TMEM131L: variants seen among roughly 807,000 people sequenced by gnomAD.
The protein encoded by TMEM131L is transmembrane protein 131-like.
Under a neutral mutation model 192.2 loss-of-function variants are expected in TMEM131L, and 54 were observed. The ratio of observed to expected loss-of-function variants is 0.28; its 90% confidence interval spans 0.23 to 0.35. The LOEUF is 0.35. TMEM131L is among the 10% of genes least tolerant of loss of function. TMEM131L has a pLI of 1.00. For synonymous variants in TMEM131L, 701 were observed against 704.9 expected, an observed-to-expected ratio of 0.99 and a Z score of 0.09; for missense variants, 1,888 against 1,972.9, an observed-to-expected ratio of 0.96 and a Z score of 0.82.
intron 7 of TMEM131L, among the ~76,000 whole-genome samples, chr4:153,570,553 G>A (rs1729519214): frequency 6.6e-6 from 1 of 152,190 alleles, no homozygotes; most frequent in Non-Finnish European, 1.5e-5. Flanking sequence ...AATTTGCCTG[G>A]CGGTAGCCGA....
chr4:153,525,144 A>G lies in TMEM131L; in HGVS notation c.240-24929A>G, dbSNP rs201436810. ...TTTATGGGTTGATGCGACTTGATAC[A>G]TAATGATTATTCTCCTTCTTTCCAA... On this transcript the variant is annotated intron_variant, in intron 3 of 34. Transcript: ENST00000409959. Among the ~76,000 whole-genome samples, 5 of 152,230 alleles carry G rather than the reference A, an allele frequency of 3.3e-5. No homozygotes were observed. In the East Asian group the frequency reaches 9.6e-4, roughly 29 times the overall value.
chr4:153,624,348 G>C (rs1014426360), intron 29 of TMEM131L, among the ~76,000 whole-genome samples: 1 of 152,068 alleles, frequency 6.6e-6, no homozygotes, highest in Non-Finnish European at 1.5e-5. Context: ...CTAACTCCTG[G>C]CCTCAAGTGA....
chr4:153,583,105 A>G (rs1730472648), intron 9 of TMEM131L, 85 bp from the exon 10 acceptor site: 1 of 748,054 alleles, frequency 1.3e-6, no homozygotes, highest in African/African-American at 1.8e-5. Context: ...TATTTTAATG[A>G]TTATATGAAG....
chr4:153,542,662 CATT>C (rs1023001836), intron 3 of TMEM131L, among the ~76,000 whole-genome samples: 1 of 152,166 alleles, frequency 6.6e-6, no homozygotes, highest in Non-Finnish European at 1.5e-5. Context: ...TACTTGCTGT[CATT>C]GTTACATCAC....
intron 7 of TMEM131L, among the ~76,000 whole-genome samples, chr4:153,578,481 A>G (rs1166427941): frequency 4.0e-5 from 6 of 150,026 alleles, no homozygotes; most frequent in African/African-American, 1.5e-4. Flanking sequence ...TCAGCCTCCC[A>G]AGTAGCTGGG....
intron 31 of TMEM131L, among the ~76,000 whole-genome samples, chr4:153,631,470 A>G (rs376862514): frequency 1.6e-3 from 239 of 152,322 alleles, no homozygotes; most frequent in African/African-American, 5.6e-3. Context: ...AGACAGCCCT[A>G]GATGGATGCC....
chr4:153,476,388 A>G (rs748487348), intron 3 of TMEM131L, among the ~76,000 whole-genome samples: 1 of 152,160 alleles, frequency 6.6e-6, no homozygotes, highest in African/African-American at 2.4e-5. Context: ...GAACATAACT[A>G]TGTATTCAGT....
At chr4:153,550,405 C>T (rs1220098806) in intron 4 of TMEM131L, among the ~76,000 whole-genome samples, 1 of 152,176 alleles carries the variant, frequency 6.6e-6, no homozygotes, top group Non-Finnish European at 1.5e-5. Context: ...CTGCTCACTG[C>T]AAGCTCTGCC....
intron 3 of TMEM131L, among the ~76,000 whole-genome samples, chr4:153,487,693 C>CGTGTGTGTGTGTGTGTGT (rs140651689): frequency 1.3e-4 from 18 of 142,106 alleles, no homozygotes; most frequent in African/African-American, 4.6e-4. Context: ...GCTGCACAGG[C>CGTGTGTGTGTGTGTGTGT]GTGTGTGTGT....
intron 4 of TMEM131L, among the ~76,000 whole-genome samples, chr4:153,554,604 A>G (rs1478088091): frequency 6.6e-6 from 1 of 152,222 alleles, no homozygotes; most frequent in Non-Finnish European, 1.5e-5. Context: ...CATTATGCTG[A>G]TATTTTTCCA....
At chr4:153,491,670 A>G (rs573413170) in intron 3 of TMEM131L, among the ~76,000 whole-genome samples, 2 of 151,904 alleles carry the variant, frequency 1.3e-5, no homozygotes, top group Non-Finnish European at 2.9e-5. Context: ...TATTTGGATT[A>G]TTTTTTAGTA....
intron 3 of TMEM131L, among the ~76,000 whole-genome samples, chr4:153,481,147 C>CT (rs1261253326): frequency 1.3e-5 from 2 of 152,000 alleles, no homozygotes; most frequent in Non-Finnish European, 2.9e-5. Flanking sequence ...CCTGGGCTCT[C>CT]TTTTTTTGCC....
At chr4:153,507,976 G>A (rs1734100133) in intron 3 of TMEM131L, among the ~76,000 whole-genome samples, 1 of 152,180 alleles carries the variant, frequency 6.6e-6, no homozygotes, top group Admixed American at 6.5e-5. Context: ...TTTCGTGGGT[G>A]AGTTGTGTGG....
At chr4:153,636,090 G>A (rs1268363143) in intron 34 of TMEM131L, among the ~76,000 whole-genome samples, 5 of 152,016 alleles carry the variant, frequency 3.3e-5, no homozygotes, top group African/African-American at 7.3e-5. Context: ...GTTCTTCCCC[G>A]GGTTGCAAAT....
At chr4:153,470,923 C>A (rs1373284291) in intron 2 of TMEM131L, among the ~76,000 whole-genome samples, 1 of 152,178 alleles carries the variant, frequency 6.6e-6, no homozygotes, top group Non-Finnish European at 1.5e-5. Context: ...TCCTGCCCTG[C>A]AGTGGCATTG....
intron 27 of TMEM131L, among the ~76,000 whole-genome samples, chr4:153,621,119 C>G (rs1300336376): frequency 6.6e-6 from 1 of 152,114 alleles, no homozygotes; most frequent in Non-Finnish European, 1.5e-5. Flanking sequence ...AAAATGCTAA[C>G]AGATTTGGTA....
At chr4:153,633,617 ATATGTCATTC>A (rs1158225519) in intron 32 of TMEM131L, among the ~76,000 whole-genome samples, 1 of 152,186 alleles carries the variant, frequency 6.6e-6, no homozygotes, top group Non-Finnish European at 1.5e-5. Flanking sequence ...TTTGACATTA[ATATGTCATTC>A]TATTAGGGAG....
chr4:153,605,930 G>C (rs1433609132), intron 25 of TMEM131L, among the ~76,000 whole-genome samples: 2 of 152,168 alleles, frequency 1.3e-5, no homozygotes, highest in Non-Finnish European at 1.5e-5. Context: ...ATGCATTCTT[G>C]GTGCATTTAG....
chr4:153,583,688 C>T lies in TMEM131L; in HGVS notation c.1060+16C>T, dbSNP rs747319418. On this transcript the variant is annotated intron_variant, in intron 11 of 34. Transcript: ENST00000409959. ...ACCTGCAAAGGTACAGATTTTTAAA[C>T]AGATTGTCATTTGACTTTTGTTATC... The T allele has an allele frequency of 8.6e-6, 12 of 1,402,040 alleles. No homozygotes were observed. Among genetic ancestry groups the T allele is most frequent in the Admixed American group, 1.9e-5 (1 of 52,936 alleles). 86.8% of individuals were successfully genotyped at this position (1,402,040 alleles called of 1,614,324 possible). A position where few individuals can be genotyped will look rare whatever the true frequency, so the allele number is the denominator to read the frequency against.
Sources: gnomAD v4.1 joint callset for allele counts (sites outside exome capture counted in the v4.1 genomes callset) on GRCh38, gnomAD v4.1.1 for gene constraint, MANE v1.5 for transcripts, NCBI Gene and HGNC (gene_info 2026-07-23, HGNC 2026-07-21) for gene names.